CDK14: variants seen among roughly 807,000 people sequenced by gnomAD.
CDK14 encodes cyclin dependent kinase 14, also known as cyclin-dependent kinase 14.
Under a neutral mutation model 60.7 loss-of-function variants are expected in CDK14, and 34 were observed. The observed-to-expected ratio is 0.56, with a 90% confidence interval of 0.43 to 0.75. The LOEUF is 0.75. Among genes scored for constraint, CDK14 ranks in the 30% least tolerant of loss-of-function variants. The probability of loss-of-function intolerance (pLI) is 0.00; values close to 1 mark genes in which losing one functional copy is unlikely to be tolerated. For missense variants in CDK14, 482 were observed against 564.1 expected (o/e 0.85, Z 1.47); for synonymous variants, 197 against 203.7 (o/e 0.97, Z 0.28).
chr7:90,752,495 C>T (rs1803885116), intron 4 of CDK14, among the ~76,000 whole-genome samples: 1 of 151,986 alleles, frequency 6.6e-6, no homozygotes, highest in African/African-American at 2.4e-5. Context: ...TACCAAAATC[C>T]TTGGGATACA....
intron 14 of CDK14, 82 bp from the exon 15 acceptor site, chr7:91,207,083 C>T (rs1584217959): frequency 1.3e-5 from 2 of 151,692 alleles, no homozygotes; most frequent in Admixed American, 1.3e-4. Flanking sequence ...TTGGACTGAC[C>T]AATTTTGATG....
chr7:90,932,294 C>T (rs1408130903), intron 8 of CDK14, among the ~76,000 whole-genome samples: 3 of 152,126 alleles, frequency 2.0e-5, no homozygotes, highest in Non-Finnish European at 4.4e-5. Context: ...TGCTTGAGCC[C>T]AGAAGTTGGA....
chr7:90,602,996 T>C (rs974601002), intron 1 of CDK14, among the ~76,000 whole-genome samples: 8 of 152,230 alleles, frequency 5.3e-5, no homozygotes, highest in Admixed American at 2.6e-4. Flanking sequence ...TTAGGCACAT[T>C]ACTTTTCTCA....
At chr7:90,877,180 TA>T (rs1210270413) in intron 6 of CDK14, among the ~76,000 whole-genome samples, 1 of 152,150 alleles carries the variant, frequency 6.6e-6, no homozygotes. Context: ...TATATAGGGG[TA>T]AAAGGTTCTG....
intron 11 of CDK14, among the ~76,000 whole-genome samples, chr7:91,074,441 C>T (rs1456448293): frequency 6.6e-6 from 1 of 152,140 alleles, no homozygotes; most frequent in Non-Finnish European, 1.5e-5. Context: ...TCAAGAAGTT[C>T]GTTGAAACCA....
At chr7:91,174,531 C>A (rs1360511939) in intron 14 of CDK14, among the ~76,000 whole-genome samples, 8 of 150,964 alleles carry the variant, frequency 5.3e-5, no homozygotes, top group Non-Finnish European at 8.9e-5. Flanking sequence ...GACATTCAAA[C>A]CAAAGGCAAA....
At chr7:90,868,339 T>C (rs895750768) in intron 6 of CDK14, among the ~76,000 whole-genome samples, 1 of 150,950 alleles carries the variant, frequency 6.6e-6, no homozygotes, top group African/African-American at 2.4e-5. Flanking sequence ...ACACACACAT[T>C]AATGGAGTAA....
chr7:90,596,893 A>G lies in CDK14; in HGVS notation c.91+175A>G, dbSNP rs571450809. Among the ~76,000 whole-genome samples the G allele has an allele frequency of 2.6e-5, 4 of 152,226 alleles. No homozygotes were observed. In the South Asian group the frequency reaches 8.3e-4, roughly 32 times the overall value. ...GGGGGAGGGCAAGGACGTAAAGGAA[A>G]GAGACCCCTCTTCCTCAGGATCTGG... On this transcript the variant is annotated intron_variant, in intron 1 of 14. Transcript: ENST00000380050.
intron 12 of CDK14, among the ~76,000 whole-genome samples, chr7:91,095,960 G>A (rs1798971139): frequency 7.1e-6 from 1 of 140,768 alleles, no homozygotes; most frequent in South Asian, 2.3e-4. Flanking sequence ...GAAATACTGT[G>A]ATGGTTGTAC....
intron 10 of CDK14, among the ~76,000 whole-genome samples, chr7:91,044,343 TGGGTTACCAAAAG>T (rs1200732031): frequency 6.6e-6 from 1 of 152,226 alleles, no homozygotes; most frequent in Non-Finnish European, 1.5e-5. Flanking sequence ...AAGGAATGTC[TGGGTTACCAAAAG>T]GGGTTACCAA....
At chr7:90,650,302 G>T (rs1800602950) in intron 2 of CDK14, among the ~76,000 whole-genome samples, 1 of 151,756 alleles carries the variant, frequency 6.6e-6, no homozygotes. Context: ...TTTTGACGGG[G>T]TCGTTTGTTT....
chr7:90,765,304 A>G (rs1206528078), intron 4 of CDK14, among the ~76,000 whole-genome samples: 1 of 152,094 alleles, frequency 6.6e-6, no homozygotes, highest in African/African-American at 2.4e-5. Flanking sequence ...TAAGTGCTGG[A>G]GAGTTGAGGG....
intron 8 of CDK14, among the ~76,000 whole-genome samples, chr7:90,935,475 A>G (rs1793720763): frequency 2.6e-5 from 4 of 152,242 alleles, no homozygotes; most frequent in Non-Finnish European, 1.5e-5. Context: ...GGGAATGCAC[A>G]GTTATTTTCA....
chr7:90,631,313 G>C (rs1799992394), intron 2 of CDK14, among the ~76,000 whole-genome samples: 1 of 152,186 alleles, frequency 6.6e-6, no homozygotes, highest in Non-Finnish European at 1.5e-5. Flanking sequence ...CAGAAAGGCA[G>C]ACTGTCCACC....
At chr7:90,749,146 G>T (rs1803713022) in intron 4 of CDK14, among the ~76,000 whole-genome samples, 2 of 152,146 alleles carry the variant, frequency 1.3e-5, no homozygotes, top group Non-Finnish European at 2.9e-5. Flanking sequence ...TTTGAGAGTT[G>T]TAAAAAAAAG....
At chr7:90,819,392 A>G (rs1251018246) in intron 5 of CDK14, among the ~76,000 whole-genome samples, 1 of 152,154 alleles carries the variant, frequency 6.6e-6, no homozygotes. Flanking sequence ...ATGCACATAA[A>G]TATACACATT....
At chr7:90,890,570 A>G (rs905819169) in intron 6 of CDK14, among the ~76,000 whole-genome samples, 1 of 152,222 alleles carries the variant, frequency 6.6e-6, no homozygotes, top group Non-Finnish European at 1.5e-5. Flanking sequence ...AACTCACATT[A>G]TAATTTTATT....
intron 5 of CDK14, among the ~76,000 whole-genome samples, chr7:90,805,340 T>C (rs777827637): frequency 2.0e-5 from 3 of 152,072 alleles, no homozygotes; most frequent in Non-Finnish European, 4.4e-5. Context: ...AAAATCACAT[T>C]ATTATTCCAA....
At chr7:90,892,891 G>A (rs574548293) in intron 6 of CDK14, among the ~76,000 whole-genome samples, 3 of 152,294 alleles carry the variant, frequency 2.0e-5, no homozygotes, top group Admixed American at 6.5e-5. Context: ...CAGTTCTCCT[G>A]CCTCTGCCTC....
Sources: gnomAD v4.1 joint callset for allele counts (sites outside exome capture counted in the v4.1 genomes callset) on GRCh38, gnomAD v4.1.1 for gene constraint, MANE v1.5 for transcripts, NCBI Gene and HGNC (gene_info 2026-07-23, HGNC 2026-07-21) for gene names.